Variants in ROBO1 observed in about 807,000 individuals in gnomAD.
The protein encoded by ROBO1 is roundabout guidance receptor 1.
Under a neutral mutation model 195.9 loss-of-function variants are expected in ROBO1, and 149 were observed. That is an observed-to-expected ratio of 0.76 (90% CI 0.67 to 0.87). ROBO1 has a LOEUF of 0.87. Among genes scored for constraint, ROBO1 ranks in the 40% least tolerant of loss-of-function variants. The pLI is 0.00. For synonymous variants in ROBO1, 816 were observed against 733.2 expected (o/e 1.11, Z -1.82); for missense variants, 1,933 against 2,068.3 (o/e 0.93, Z 1.27).
Position 78,673,562 on chromosome 3 carries a change from TTATATATATATATA to T in ROBO1, c.1343-3275_1343-3262del, listed in dbSNP as rs1166250669. 1.6e-3 allele frequency among the ~76,000 whole-genome samples: 103 copies of T among 63,378 alleles called. 1 individual carries two copies. Among genetic ancestry groups the T allele is most frequent in the South Asian group, 6.3e-3 (11 of 1,742 alleles). The allele number at this position is 63,378 out of a possible 152,430, so 41.6% of individuals were successfully genotyped here. On this transcript the variant is annotated intron_variant, in intron 10 of 30. Transcript: ENST00000464233. ...ATATTACAGCTAGGTTACATATATT[TTATATATATATATA>T]TATATATATATATATATATATATAT...
intron 3 of ROBO1, among the ~76,000 whole-genome samples, chr3:79,077,348 T>C (rs915424231): frequency 6.6e-6 from 1 of 151,898 alleles, no homozygotes; most frequent in Non-Finnish European, 1.5e-5. Flanking sequence ...GGAAGATTAA[T>C]TATCCTATGA....
intron 4 of ROBO1, among the ~76,000 whole-genome samples, chr3:78,905,584 A>G (rs772834850): frequency 3.3e-5 from 5 of 152,080 alleles, no homozygotes; most frequent in Non-Finnish European, 5.9e-5. Flanking sequence ...GTGCCATTGT[A>G]CTACAGTTTG....
At chr3:79,081,283 A>G (rs2079269753) in intron 3 of ROBO1, among the ~76,000 whole-genome samples, 1 of 151,866 alleles carries the variant, frequency 6.6e-6, no homozygotes, top group Admixed American at 6.6e-5. Flanking sequence ...CTGCCATTGC[A>G]TTAATACGAT....
intron 2 of ROBO1, among the ~76,000 whole-genome samples, chr3:79,312,007 C>T (rs1026532897): frequency 4.6e-5 from 7 of 152,100 alleles, no homozygotes; most frequent in African/African-American, 1.2e-4. Flanking sequence ...AAATCAAATT[C>T]CCAACATATT....
At chr3:79,013,619 T>C (rs1417216081) in intron 3 of ROBO1, among the ~76,000 whole-genome samples, 1 of 152,214 alleles carries the variant, frequency 6.6e-6, no homozygotes, top group Non-Finnish European at 1.5e-5. Context: ...CTCTTTCGAC[T>C]AGGAAAATGC....
At chr3:79,567,032 A>C (rs1943112336) in intron 2 of ROBO1, among the ~76,000 whole-genome samples, 1 of 152,194 alleles carries the variant, frequency 6.6e-6, no homozygotes. Flanking sequence ...TACTGGACAA[A>C]GAAAATGTGG....
chr3:79,179,739 G>A (rs185935985), intron 2 of ROBO1, among the ~76,000 whole-genome samples: 98 of 152,236 alleles, frequency 6.4e-4, no homozygotes, highest in Non-Finnish European at 1.1e-3. Flanking sequence ...TGAATACCCA[G>A]AATAAAGGAT....
intron 1 of ROBO1, among the ~76,000 whole-genome samples, chr3:79,606,606 A>G (rs1306245577): frequency 6.6e-6 from 1 of 151,678 alleles, no homozygotes; most frequent in Non-Finnish European, 1.5e-5. Flanking sequence ...CTGTTATTCT[A>G]TCCTACTACT....
chr3:79,486,163 G>C (rs142053292), intron 2 of ROBO1, among the ~76,000 whole-genome samples: 94 of 152,120 alleles, frequency 6.2e-4, no homozygotes, highest in Non-Finnish European at 1.1e-3. Context: ...GAGCAGCATA[G>C]TAAAGTCTCA....
chr3:79,496,485 G>C (rs909220815), intron 2 of ROBO1, among the ~76,000 whole-genome samples: 1 of 141,882 alleles, frequency 7.0e-6, no homozygotes, highest in Non-Finnish European at 1.5e-5. Context: ...CCGGGTTCAC[G>C]CCATTCTCCT....
intron 2 of ROBO1, among the ~76,000 whole-genome samples, chr3:79,282,729 G>C (rs1332453242): frequency 6.6e-6 from 1 of 152,114 alleles, no homozygotes; most frequent in African/African-American, 2.4e-5. Flanking sequence ...GATATGGCTG[G>C]CAGGAAAGGA....
At position 79,002,303 on chromosome 3, in the gene ROBO1, A is replaced by G. The variant is rs149888263; in HGVS notation, c.173-63376T>C. Among the ~76,000 whole-genome samples, 297 of 152,168 alleles carry G rather than the reference A, an allele frequency of 2.0e-3. 1 individual carries two copies. The highest frequency in any genetic ancestry group is 3.1e-3 in the Admixed American group (47 of 15,260). The stretch of plus-strand genomic sequence containing the variant: ...GGTCATGGAACCTACACCTCTCCCT[A>G]CCTTCTTCAAATTTCTTCCAGTATT... On this transcript the variant is annotated intron_variant, in intron 3 of 30. Transcript: ENST00000464233.
chr3:79,400,735 A>T (rs2037339729), intron 2 of ROBO1, among the ~76,000 whole-genome samples: 1 of 151,964 alleles, frequency 6.6e-6, no homozygotes, highest in Non-Finnish European at 1.5e-5. Context: ...TAAAGGCTCT[A>T]TTTGTTCTTT....
chr3:78,665,194 T>C (rs1645347716), intron 14 of ROBO1, among the ~76,000 whole-genome samples: 2 of 152,188 alleles, frequency 1.3e-5, no homozygotes, highest in Non-Finnish European at 2.9e-5. Context: ...ACAAACACAT[T>C]ACTCCATTCA....
chr3:79,507,003 C>T (rs944062279), intron 2 of ROBO1, among the ~76,000 whole-genome samples: 3 of 152,156 alleles, frequency 2.0e-5, no homozygotes, highest in African/African-American at 7.2e-5. Context: ...AGCCACATCA[C>T]CTAGATTCTG....
chr3:79,279,410 C>T (rs1376707333), intron 2 of ROBO1, among the ~76,000 whole-genome samples: 1 of 151,902 alleles, frequency 6.6e-6, no homozygotes, highest in Non-Finnish European at 1.5e-5. Context: ...CAACGAAATG[C>T]AAATCAATAA....
At chr3:79,657,845 T>C (rs966332291) in intron 1 of ROBO1, among the ~76,000 whole-genome samples, 3 of 152,036 alleles carry the variant, frequency 2.0e-5, no homozygotes, top group East Asian at 1.9e-4. Context: ...TTGAAGCTTA[T>C]ATATTGAAAC....
chr3:79,175,019 G>A (rs1468100377), intron 2 of ROBO1, among the ~76,000 whole-genome samples: 1 of 151,914 alleles, frequency 6.6e-6, no homozygotes, highest in African/African-American at 2.4e-5. Context: ...AAAAATGTCA[G>A]GAAAAACTAA....
At chr3:78,662,149 C>T (rs1707456916) in intron 14 of ROBO1, 35 bp from the exon 15 acceptor site, 1 of 1,541,764 alleles carries the variant, frequency 6.5e-7, no homozygotes. Context: ...TCAGGGTCTG[C>T]ACAACGTTAC....
Sources: allele counts gnomAD v4.1 joint callset (sites outside exome capture counted in the v4.1 genomes callset), GRCh38; gene constraint gnomAD v4.1.1; transcripts MANE v1.5; gene names NCBI Gene and HGNC (gene_info 2026-07-23, HGNC 2026-07-21).